Variants in CDH5 observed in about 807,000 individuals in gnomAD.
CDH5 encodes the protein cadherin 5, also known as cadherin-5.
Under a neutral mutation model 62.0 loss-of-function variants are expected in CDH5, and 28 were observed. That is an observed-to-expected ratio of 0.45 (90% CI 0.33 to 0.62). The LOEUF is 0.62. Ranked by LOEUF, CDH5 falls within the 20% of genes least tolerant of loss-of-function variation. The pLI, the probability that CDH5 is intolerant of heterozygous loss-of-function variation, is 0.02. For synonymous variants in CDH5, 464 were observed against 445.8 expected, an observed-to-expected ratio of 1.04 and a Z score of -0.52; for missense variants, 940 against 1,065.1, an observed-to-expected ratio of 0.88 and a Z score of 1.63.
chr16:66,398,242 A>G (rs1415509926), intron 9 of CDH5, 136 bp downstream of exon 9: 2 of 1,093,352 alleles, frequency 1.8e-6, no homozygotes, highest in Non-Finnish European at 2.7e-6. Context: ...CATTTTACAG[A>G]TGGAGAAACT....
chr16:66,381,865 C>T (rs1960904908), intron 2 of CDH5, among the ~76,000 whole-genome samples: 1 of 152,230 alleles, frequency 6.6e-6, no homozygotes, highest in African/African-American at 2.4e-5. Flanking sequence ...GTGGTGGTGA[C>T]AAAGACCAAA....
At chr16:66,388,907 C>A (rs1961031975) in intron 4 of CDH5, among the ~76,000 whole-genome samples, 1 of 152,126 alleles carries the variant, frequency 6.6e-6, no homozygotes, top group Non-Finnish European at 1.5e-5. Context: ...TGTATAAAGG[C>A]AGCAAGGCCC....
chr16:66,396,477 A>G (rs891777646), intron 8 of CDH5, among the ~76,000 whole-genome samples: 2 of 152,206 alleles, frequency 1.3e-5, no homozygotes, highest in Non-Finnish European at 2.9e-5. Flanking sequence ...GTCATGAAAC[A>G]GGCTGTGCAG....
chr16:66,386,717 A>G, intron 2 of CDH5, 92 bp from the exon 3 acceptor site: 1 of 1,174,834 alleles, frequency 8.5e-7, no homozygotes, highest in South Asian at 1.5e-5. Flanking sequence ...ACACACATGC[A>G]CAGGCACACC....
chr16:66,395,936 A>C (rs1961176692), intron 7 of CDH5, 123 bp from the exon 8 acceptor site: 1 of 912,686 alleles, frequency 1.1e-6, no homozygotes, highest in Non-Finnish European at 1.7e-6. Context: ...TGCAATGAGC[A>C]GTGAGAGAGG....
chr16:66,389,090 T>A (rs1961036074), intron 4 of CDH5, among the ~76,000 whole-genome samples: 1 of 152,216 alleles, frequency 6.6e-6, no homozygotes, highest in African/African-American at 2.4e-5. Context: ...CAGCACTCTT[T>A]CCATCTGAGC....
At chr16:66,389,570 G>T in intron 5 of CDH5, 48 bp downstream of exon 5, 1 of 1,433,350 alleles carries the variant, frequency 7.0e-7, no homozygotes, top group South Asian at 1.4e-5. Flanking sequence ...GGATACCCCA[G>T]ACTCAGTGAC....
intron 10 of CDH5, among the ~76,000 whole-genome samples, chr16:66,400,284 T>C (rs6499081): frequency 0.68 from 103,413 of 152,170 alleles, 35,373 homozygotes; most frequent in East Asian, 0.81. Context: ...AAGGGACATG[T>C]CCATTGTTTT....
intron 2 of CDH5, among the ~76,000 whole-genome samples, chr16:66,380,483 T>C (rs1596932170): frequency 6.7e-6 from 1 of 149,246 alleles, no homozygotes; most frequent in Non-Finnish European, 1.5e-5. Flanking sequence ...GTTGTGATGG[T>C]GGTGATCACG....
At position 66,403,543 on chromosome 16, in the gene CDH5, C is replaced by T. The variant is rs150885326; in HGVS notation, c.*374C>T. On this transcript the variant is annotated 3_prime_UTR_variant, in exon 12 of 12. Coordinates refer to ENST00000341529, the MANE Select transcript of CDH5 (RefSeq NM_001795.5). This position sits in a 1 kb window ranked among gnomAD's most constrained non-coding sequence, Gnocchi z 4.3. ...AGGGTCTTTTTCTAGGGTCCCTGAACGCCCTGGTAAGGCTGGTGAGGTCCT... is the reference window on the plus strand; with the variant it reads ...AGGGTCTTTTTCTAGGGTCCCTGAATGCCCTGGTAAGGCTGGTGAGGTCCT... 30 of 264,602 alleles carry T rather than the reference C, an allele frequency of 1.1e-4. No homozygotes were observed. Among genetic ancestry groups the T allele is most frequent in the African/African-American group, 3.6e-4 (16 of 44,930 alleles). The allele number at this position is 264,602 out of a possible 1,614,324, so 16.4% of individuals were successfully genotyped here.
intron 11 of CDH5, among the ~76,000 whole-genome samples, chr16:66,401,251 G>A (rs1047987982): frequency 2.6e-5 from 4 of 152,142 alleles, no homozygotes; most frequent in Non-Finnish European, 5.9e-5. Flanking sequence ...TGGGACTCAG[G>A]ACTCCTCCCC....
intron 10 of CDH5, among the ~76,000 whole-genome samples, chr16:66,398,858 T>A: frequency 6.6e-6 from 1 of 152,216 alleles, no homozygotes; most frequent in East Asian, 1.9e-4. Context: ...GATTTTCAAA[T>A]CATTAGATAT....
At position 66,403,532 on chromosome 16, in the gene CDH5, G is replaced by T; in HGVS notation, c.*363G>T. 1 of 275,524 alleles carries T rather than the reference G, an allele frequency of 3.6e-6. No individual in the cohort carries two copies. The highest frequency in any genetic ancestry group is 7.0e-6 in the Non-Finnish European group (1 of 143,276). 17.1% of individuals were successfully genotyped at this position (275,524 alleles called of 1,614,324 possible). A position where few individuals can be genotyped will look rare whatever the true frequency, so the allele number is the denominator to read the frequency against. ...TTAACTGCTGCAGGGTCTTTTTCTA[G>T]GGTCCCTGAACGCCCTGGTAAGGCT... On this transcript the variant is annotated 3_prime_UTR_variant, in exon 12 of 12. Coordinates refer to ENST00000341529, the MANE Select transcript of CDH5 (RefSeq NM_001795.5). The surrounding 1 kb of genome is among the most constrained non-coding windows in gnomAD (Gnocchi z 4.3).
In CDH5 at chr16:66,390,412, C is replaced by G; in HGVS notation, c.791C>G (p.Thr264Arg). The G allele has an allele frequency of 6.2e-7, 1 of 1,613,420 alleles. No individual in the cohort carries two copies. The highest frequency in any genetic ancestry group is 8.5e-7 in the Non-Finnish European group (1 of 1,179,570). The change falls in exon 6 of 12, where the codon ACA becomes AGA. Residue 264 changes from threonine (T) to arginine (R), a missense_variant. Thr to Arg is a moderately conservative substitution (Grantham distance 71, BLOSUM62 -1). Coordinates refer to ENST00000341529, the MANE Select transcript of CDH5 (RefSeq NM_001795.5). ...NFPFFTQTKY[T>R]FVVPEDTRVG... ...GCTCTGTTTGCATCAGCCAAGTACA[C>G]ATTTGTCGTGCCTGAAGACACCCGT... is the stretch of plus-strand genomic sequence containing the variant.
Position 66,392,138 on chromosome 16 carries a change from T to C in CDH5, c.972T>C (p.Pro324=), listed in dbSNP as rs1165668515. The C allele has an allele frequency of 6.2e-7, 1 of 1,614,090 alleles. No individual in the cohort carries two copies. The highest frequency in any genetic ancestry group is 8.5e-7 in the Non-Finnish European group (1 of 1,180,016). The change falls in exon 7 of 12, where the codon CCT becomes CCC. Residue 324 remains proline, a splice_region_variant and synonymous_variant. Transcript: ENST00000341529. The part of the protein sequence containing the change: ...HNEGIIKPMK[P]LDYEYIQQYS... ...CACCATCCTTTTTCCTTACGCAGCCTCTGGATTATGAATACATCCAGCAAT... is the reference window on the plus strand; with the variant it reads ...CACCATCCTTTTTCCTTACGCAGCCCCTGGATTATGAATACATCCAGCAAT...
chr16:66,389,671 G>A, intron 5 of CDH5, 149 bp downstream of exon 5: 1 of 625,582 alleles, frequency 1.6e-6, no homozygotes, highest in Non-Finnish European at 2.6e-6. Context: ...TTGGGTGAAG[G>A]GAGGGGCCCT....
intron 2 of CDH5, among the ~76,000 whole-genome samples, chr16:66,386,601 C>G (rs7189589): frequency 0.68 from 102,991 of 151,940 alleles, 35,149 homozygotes; most frequent in East Asian, 0.81. Context: ...TATCCATGTT[C>G]CTGCAAAGGA....
chr16:66,375,187 G>A (rs183162316), intron 1 of CDH5, among the ~76,000 whole-genome samples: 2 of 152,202 alleles, frequency 1.3e-5, no homozygotes, highest in South Asian at 2.1e-4. Context: ...ATTTTAACAC[G>A]ACAGCAAGTA....
intron 1 of CDH5, among the ~76,000 whole-genome samples, chr16:66,374,651 C>T (rs928582521): frequency 6.6e-6 from 1 of 151,230 alleles, no homozygotes; most frequent in Non-Finnish European, 1.5e-5. Context: ...GACTGGTGGA[C>T]TCTGCTTTGC....
Sources: gnomAD v4.1 joint callset for allele counts (sites outside exome capture counted in the v4.1 genomes callset) on GRCh38, gnomAD v4.1.1 for gene constraint, Gnocchi (gnomAD v3.1) non-coding constraint, MANE v1.5 for transcripts, NCBI Gene and HGNC (gene_info 2026-07-23, HGNC 2026-07-21) for gene names.